SLIT1: variants seen among roughly 807,000 people sequenced by gnomAD.
SLIT1 encodes slit guidance ligand 1.
In SLIT1, 66 loss-of-function variants were observed where a neutral mutation model predicts 186.1. That is an observed-to-expected ratio of 0.35 (90% CI 0.29 to 0.44). SLIT1 has a LOEUF of 0.44. Among genes scored for constraint, SLIT1 ranks in the 20% least tolerant of loss-of-function variants. The pLI is 1.00. For missense variants in SLIT1, 1,638 were observed against 2,037.4 expected, an observed-to-expected ratio of 0.80 and a Z score of 3.77; for synonymous variants, 761 against 833.8, an observed-to-expected ratio of 0.91 and a Z score of 1.50.
chr10:97,170,629 T>G (rs1017495729), intron 1 of SLIT1, among the ~76,000 whole-genome samples: 1 of 152,188 alleles, frequency 6.6e-6, no homozygotes, highest in Non-Finnish European at 1.5e-5. Context: ...TTTACACCTA[T>G]CCTTCTCCCC....
At chr10:97,012,251 G>A (rs1848418558) in intron 30 of SLIT1, among the ~76,000 whole-genome samples, 2 of 152,094 alleles carry the variant, frequency 1.3e-5, no homozygotes, top group Admixed American at 1.3e-4. Context: ...ATATTAAACA[G>A]GGGCTGGGGC....
rs998159332 is a variant in SLIT1, at chr10:97,049,204, G to C, written c.1302-86C>G. 43 of 1,485,580 alleles carry C rather than the reference G, an allele frequency of 2.9e-5. No homozygotes were observed. In the African/African-American group the frequency reaches 5.2e-4, roughly 18 times the overall value. The allele number at this position is 1,485,580 out of a possible 1,614,324, so 92.0% of individuals were successfully genotyped here. A position where few individuals can be genotyped will look rare whatever the true frequency, so the allele number is the denominator to read the frequency against. On this transcript the variant is annotated intron_variant, in intron 13 of 36. Coordinates refer to ENST00000266058, the MANE Select transcript of SLIT1 (RefSeq NM_003061.3). ...ACCGGGACAGGGCCTCGTTGTGGCT[G>C]GGGCCAAGGAGGCTGCCTGTGGCCT...
chr10:97,154,375 C>T (rs1355210204), intron 4 of SLIT1: 1 of 152,336 alleles, frequency 6.6e-6, no homozygotes, highest in Admixed American at 6.5e-5. Context: ...GGGAGTCCTC[C>T]AAGAGCCCTG....
At chr10:97,099,514 T>G (rs1332743956) in intron 4 of SLIT1, among the ~76,000 whole-genome samples, 1 of 152,188 alleles carries the variant, frequency 6.6e-6, no homozygotes, top group Non-Finnish European at 1.5e-5. Context: ...GTTGTACATC[T>G]GGGTAGGTGT....
chr10:97,005,972 G>A (rs1848356456), intron 32 of SLIT1, among the ~76,000 whole-genome samples: 1 of 152,162 alleles, frequency 6.6e-6, no homozygotes, highest in Admixed American at 6.5e-5. Context: ...GAAGTGTTTA[G>A]CAAAATATTG....
At chr10:97,058,428 A>C (rs1186170680) in intron 11 of SLIT1, among the ~76,000 whole-genome samples, 2 of 152,080 alleles carry the variant, frequency 1.3e-5, no homozygotes, top group Non-Finnish European at 2.9e-5. Context: ...AACTTAGGAG[A>C]GCTTTATTCA....
At chr10:97,144,856 C>A (rs1444836042) in intron 4 of SLIT1, among the ~76,000 whole-genome samples, 1 of 152,180 alleles carries the variant, frequency 6.6e-6, no homozygotes, top group Admixed American at 6.5e-5. Context: ...AATCACAATA[C>A]CTGCACTACA....
At position 97,043,247 on chromosome 10, in the gene SLIT1, C is replaced by T. The variant is rs907382282; in HGVS notation, c.1997+123G>A. ...GAGGGAGACTTCGAAATGTGGAACC[C>T]ACGTTTCAGCAAACCACGAAGACCC... On this transcript the variant is annotated intron_variant, in intron 19 of 36. Transcript: ENST00000266058. This position sits in a 1 kb window ranked among gnomAD's most constrained non-coding sequence, Gnocchi z 7.0. The T allele has an allele frequency of 7.2e-7, 1 of 1,385,264 alleles. No individual in the cohort carries two copies. Among genetic ancestry groups the T allele is most frequent in the African/African-American group, 1.4e-5 (1 of 69,886 alleles). 85.8% of individuals were successfully genotyped at this position (1,385,264 alleles called of 1,614,324 possible).
chr10:97,113,057 T>C (rs559389733), intron 4 of SLIT1, among the ~76,000 whole-genome samples: 1 of 152,302 alleles, frequency 6.6e-6, no homozygotes, highest in East Asian at 1.9e-4. Context: ...AATTTAGACC[T>C]GAAAGGTATC....
intron 4 of SLIT1, among the ~76,000 whole-genome samples, chr10:97,074,736 GACAAGGGGGCCGCCAGGCCC>G (rs1849030307): frequency 6.6e-6 from 1 of 152,140 alleles, no homozygotes; most frequent in African/African-American, 2.4e-5. Context: ...CGCCCCTGAA[GACAAGGGGGCCGCCAGGCCC>G]ACACCCTGAC....
At chr10:97,061,138 G>A (rs1182278163) in intron 8 of SLIT1, among the ~76,000 whole-genome samples, 1 of 152,228 alleles carries the variant, frequency 6.6e-6, no homozygotes, top group Admixed American at 6.5e-5. Flanking sequence ...CCATGAGGGT[G>A]ATAATGTTTC....
intron 8 of SLIT1, 110 bp downstream of exon 8, chr10:97,063,345 G>T: frequency 8.2e-7 from 1 of 1,215,426 alleles, no homozygotes; most frequent in Non-Finnish European, 1.2e-6. Context: ...GATGGGCGGG[G>T]TCAGGAGGTG....
At chr10:97,162,570 G>A (rs1478534408) in intron 3 of SLIT1, among the ~76,000 whole-genome samples, 7 of 152,130 alleles carry the variant, frequency 4.6e-5, no homozygotes, top group Admixed American at 1.3e-4. Context: ...CCGAGATCAC[G>A]CCACTGCACT....
At chr10:97,177,173 T>C (rs1004392827) in intron 1 of SLIT1, among the ~76,000 whole-genome samples, 2 of 151,962 alleles carry the variant, frequency 1.3e-5, no homozygotes, top group African/African-American at 4.8e-5. Context: ...TCCCCTGAGG[T>C]CCCCCCATCT....
chr10:97,066,717 A>C (rs557879194), intron 4 of SLIT1, among the ~76,000 whole-genome samples: 1 of 152,332 alleles, frequency 6.6e-6, no homozygotes, highest in South Asian at 2.1e-4. Context: ...CACAGCCTGC[A>C]GAACCGTGAG....
intron 12 of SLIT1, 78 bp downstream of exon 12, chr10:97,057,131 TA>T: frequency 8.6e-7 from 1 of 1,167,416 alleles, no homozygotes; most frequent in Non-Finnish European, 1.3e-6. Context: ...AAGAGAGGCC[TA>T]AAGGGACAGT....
intron 4 of SLIT1, among the ~76,000 whole-genome samples, chr10:97,078,314 C>T (rs1027181808): frequency 1.3e-5 from 2 of 152,066 alleles, no homozygotes; most frequent in African/African-American, 4.8e-5. Flanking sequence ...GCGCCCCTTC[C>T]CTGCCCACCG....
intron 8 of SLIT1, among the ~76,000 whole-genome samples, chr10:97,063,146 G>A (rs1007012439): frequency 1.3e-5 from 2 of 152,182 alleles, no homozygotes; most frequent in African/African-American, 4.8e-5. Flanking sequence ...GCAATGAGGG[G>A]ACAGGAGGGA....
At chr10:97,094,907 T>C (rs756891736) in intron 4 of SLIT1, among the ~76,000 whole-genome samples, 2 of 152,220 alleles carry the variant, frequency 1.3e-5, no homozygotes, top group African/African-American at 4.8e-5. Flanking sequence ...AATGAGCACA[T>C]CTCAATAAAT....
Sources: gnomAD v4.1 joint callset for allele counts (sites outside exome capture counted in the v4.1 genomes callset) on GRCh38, gnomAD v4.1.1 for gene constraint, Gnocchi (gnomAD v3.1) non-coding constraint, MANE v1.5 for transcripts, NCBI Gene and HGNC (gene_info 2026-07-23, HGNC 2026-07-21) for gene names.